Variants in SLC44A5 observed in about 807,000 individuals in gnomAD.
SLC44A5 encodes solute carrier family 44 member 5, also known as choline transporter-like protein 5.
In SLC44A5, 57 loss-of-function variants were observed where a neutral mutation model predicts 101.8. That is an observed-to-expected ratio of 0.56 (90% CI 0.45 to 0.70). SLC44A5 has a LOEUF of 0.70. Ranked by LOEUF, SLC44A5 falls within the 30% of genes least tolerant of loss-of-function variation. SLC44A5 has a pLI of 0.00. For synonymous variants in SLC44A5, 281 were observed against 290.9 expected, an observed-to-expected ratio of 0.97 and a Z score of 0.35; for missense variants, 737 against 853.1, an observed-to-expected ratio of 0.86 and a Z score of 1.70.
At chr1:75,649,360 T>A in the SLC44A5 span, among the ~76,000 whole-genome samples, 1 of 152,210 alleles carries the variant, frequency 6.6e-6, no homozygotes, top group African/African-American at 2.4e-5. Context: ...TATTTATTAC[T>A]TAAAATAAAT....
chr1:75,302,720 C>A (rs1654589413), intron 4 of SLC44A5, among the ~76,000 whole-genome samples: 1 of 152,086 alleles, frequency 6.6e-6, no homozygotes, highest in Admixed American at 6.5e-5. Context: ...TGCTTTGGAG[C>A]CATTATAAAG....
chr1:75,229,058 T>C (rs1647328605), intron 12 of SLC44A5, among the ~76,000 whole-genome samples: 1 of 151,976 alleles, frequency 6.6e-6, no homozygotes, highest in African/African-American at 2.4e-5. Flanking sequence ...TTGTATTACA[T>C]CTCATATATT....
chr1:75,490,458 A>G (rs539097949), intron 2 of SLC44A5, among the ~76,000 whole-genome samples: 96 of 152,126 alleles, frequency 6.3e-4, no homozygotes, highest in Non-Finnish European at 1.0e-3. Flanking sequence ...AGCTTTTTTA[A>G]TTAATAAGGT....
At chr1:75,366,879 T>C (rs184734739) in intron 3 of SLC44A5, among the ~76,000 whole-genome samples, 9 of 152,330 alleles carry the variant, frequency 5.9e-5, no homozygotes, top group Non-Finnish European at 1.0e-4. Context: ...TGGTTATTTT[T>C]ATAGTTTCTG....
At chr1:75,583,297 C>T (rs1395978194) in intron 1 of SLC44A5, among the ~76,000 whole-genome samples, 1 of 152,150 alleles carries the variant, frequency 6.6e-6, no homozygotes, top group African/African-American at 2.4e-5. Flanking sequence ...TATCAGATGC[C>T]CTCTGTCATA....
chr1:75,614,148 C>T (rs1022586873), upstream of SLC44A5, among the ~76,000 whole-genome samples: 5 of 152,122 alleles, frequency 3.3e-5, no homozygotes, highest in East Asian at 3.8e-4. Context: ...AAAAAAGGAG[C>T]GAACCAAAAG....
At chr1:75,470,722 G>A (rs886866402) in intron 2 of SLC44A5, among the ~76,000 whole-genome samples, 1 of 152,026 alleles carries the variant, frequency 6.6e-6, no homozygotes, top group Non-Finnish European at 1.5e-5. Context: ...CCAGAGAGAA[G>A]CGTGACCTGG....
intron 12 of SLC44A5, among the ~76,000 whole-genome samples, chr1:75,233,221 T>A (rs550561629): frequency 6.6e-6 from 1 of 152,198 alleles, no homozygotes; most frequent in Admixed American, 6.6e-5. Context: ...ATTGTATTTG[T>A]ATAAATTTAT....
At chr1:75,276,209 C>T (rs1478613512) in intron 5 of SLC44A5, among the ~76,000 whole-genome samples, 1 of 152,114 alleles carries the variant, frequency 6.6e-6, no homozygotes, top group Non-Finnish European at 1.5e-5. Context: ...TTAAATCTGA[C>T]TCATTCGGGT....
intron 5 of SLC44A5, among the ~76,000 whole-genome samples, chr1:75,276,560 G>A (rs1034494407): frequency 6.6e-6 from 1 of 151,974 alleles, no homozygotes; most frequent in African/African-American, 2.4e-5. Context: ...TTTCTAATTT[G>A]TTACTACAAA....
At chr1:75,581,685 A>C (rs1276548554) in intron 1 of SLC44A5, among the ~76,000 whole-genome samples, 1 of 152,152 alleles carries the variant, frequency 6.6e-6, no homozygotes, top group African/African-American at 2.4e-5. Context: ...GCCTAATGGG[A>C]AGTGTCTGGG....
chr1:75,234,562 G>A (rs1286951652), intron 11 of SLC44A5, among the ~76,000 whole-genome samples: 1 of 151,898 alleles, frequency 6.6e-6, no homozygotes, highest in Non-Finnish European at 1.5e-5. Flanking sequence ...ATCATTTTGG[G>A]GCAGAAAGAT....
the SLC44A5 span, among the ~76,000 whole-genome samples, chr1:75,686,020 G>C: frequency 3.3e-5 from 5 of 152,070 alleles, no homozygotes; most frequent in African/African-American, 1.2e-4. Flanking sequence ...AGTGAAGGGG[G>C]AAGAAAGCCC....
At chr1:75,540,145 A>C (rs1671279310) in intron 2 of SLC44A5, among the ~76,000 whole-genome samples, 1 of 152,180 alleles carries the variant, frequency 6.6e-6, no homozygotes, top group Admixed American at 6.5e-5. Context: ...CTGAATTTCT[A>C]TCTGTGAATA....
At chr1:75,681,136 A>G in the SLC44A5 span, among the ~76,000 whole-genome samples, 2 of 152,108 alleles carry the variant, frequency 1.3e-5, no homozygotes, top group African/African-American at 2.4e-5. Flanking sequence ...TACCAACCAA[A>G]AAGAGTCCAG....
At chr1:75,302,119 T>TTTTG (rs1654522611) in intron 4 of SLC44A5, among the ~76,000 whole-genome samples, 2 of 137,712 alleles carry the variant, frequency 1.5e-5, no homozygotes, top group Non-Finnish European at 3.1e-5. Context: ...TTTGTTTTTT[T>TTTTG]TTTTTTTTTT....
At chr1:75,694,702 A>G in the SLC44A5 span, among the ~76,000 whole-genome samples, 152 of 152,316 alleles carry the variant, frequency 1.0e-3, no homozygotes, top group African/African-American at 3.5e-3. Context: ...ATTAAAATCT[A>G]TGTAAATGTG....
In SLC44A5 at chr1:75,213,921, A is replaced by G; in HGVS notation, c.1871T>C (p.Ile624Thr). Residue 624 changes from isoleucine to threonine, a missense_variant and splice_region_variant, in exon 21 of 24, where the codon ATA becomes ACA. Physicochemically the swap from Ile to Thr is moderately conservative, Grantham distance 89. Around this residue, in one of 3 missense-constraint regions of SLC44A5, gnomAD observed 665 missense variants for 764.4 expected, o/e 0.87. Transcript: ENST00000370859. Reference sequence around the variant, plus strand: ...TTATTTTCATCATGATTACTTACCTATACTTCCAGCAACTAGAAGTTTCCC... The same window carrying G: ...TTATTTTCATCATGATTACTTACCTGTACTTCCAGCAACTAGAAGTTTCCC... ...FLGKLLVAGS[I>T]GVLAFLFFTQ... 6.3e-7 allele frequency: 1 copy of G among 1,586,414 alleles called. No homozygotes were observed. Among genetic ancestry groups the G allele is most frequent in the African/African-American group, 1.4e-5 (1 of 73,778 alleles).
intron 3 of SLC44A5, among the ~76,000 whole-genome samples, chr1:75,351,960 T>C (rs1462990011): frequency 4.0e-5 from 6 of 151,024 alleles, no homozygotes; most frequent in African/African-American, 1.5e-4. Flanking sequence ...ATTACTAATA[T>C]CTAGAATATG....
Sources: allele counts gnomAD v4.1 joint callset (sites outside exome capture counted in the v4.1 genomes callset), GRCh38; gene constraint gnomAD v4.1.1; regional missense constraint gnomAD v4.1.1; transcripts MANE v1.5; gene names NCBI Gene and HGNC (gene_info 2026-07-23, HGNC 2026-07-21).